Variants in MGAT4C observed in about 807,000 individuals in gnomAD.
MGAT4C encodes the protein alpha-1,3-mannosyl-glycoprotein 4-beta-N-acetylglucosaminyltransferase C.
A neutral mutation model predicts 40.1 loss-of-function variants in MGAT4C; 19 were observed. The ratio of observed to expected loss-of-function variants is 0.47; its 90% CI spans 0.33 to 0.70. The LOEUF is 0.70. Among genes scored for constraint, MGAT4C ranks in the 30% least tolerant of loss-of-function variants. The pLI is 0.02. For missense variants in MGAT4C, 491 were observed against 563.2 expected, an observed-to-expected ratio of 0.87 and a Z score of 1.30; for synonymous variants, 181 against 187.1, an observed-to-expected ratio of 0.97 and a Z score of 0.27.
At chr12:86,451,799 T>C (rs1957428582) in intron 2 of MGAT4C, among the ~76,000 whole-genome samples, 1 of 152,136 alleles carries the variant, frequency 6.6e-6, no homozygotes, top group East Asian at 1.9e-4. Context: ...ACCCACTTAC[T>C]GAATTATTTA....
At chr12:86,132,806 A>G (rs895641957) in intron 1 of MGAT4C, among the ~76,000 whole-genome samples, 3 of 151,604 alleles carry the variant, frequency 2.0e-5, no homozygotes, top group African/African-American at 4.8e-5. Flanking sequence ...AAAAAAAAAA[A>G]AAAAAAAGAA....
chr12:86,600,746 G>A (rs983503352), intron 2 of MGAT4C, among the ~76,000 whole-genome samples: 14 of 152,224 alleles, frequency 9.2e-5, no homozygotes, highest in African/African-American at 3.1e-4. Flanking sequence ...GATCCCAGGG[G>A]AGCCCTGTGC....
At chr12:86,105,340 A>C (rs1225011391) in intron 1 of MGAT4C, among the ~76,000 whole-genome samples, 5 of 152,138 alleles carry the variant, frequency 3.3e-5, no homozygotes, top group Admixed American at 1.3e-4. Flanking sequence ...AACAAAACCA[A>C]AAACCACATA....
rs112611359 is a variant in MGAT4C at position 86,360,871 on chromosome 12, T to C, written c.-119-26744A>G. Among the ~76,000 whole-genome samples the C allele has an allele frequency of 5.6e-3, 855 of 152,284 alleles. 5 individuals are homozygous for C. Among genetic ancestry groups the C allele is most frequent in the African/African-American group, 0.02 (823 of 41,562 alleles). ...CAAATGGACGAACGTTCCATGCTCA[T>C]GGATAGGAAGAATCAATATCGTGAA... On this transcript the variant is annotated intron_variant, in intron 3 of 7. Transcript: ENST00000548651.
At chr12:86,253,641 A>G (rs190469175) in intron 1 of MGAT4C, among the ~76,000 whole-genome samples, 46 of 152,130 alleles carry the variant, frequency 3.0e-4, no homozygotes, top group African/African-American at 1.1e-3. Flanking sequence ...CTAAATATCC[A>G]GACATTCACA....
intron 3 of MGAT4C, among the ~76,000 whole-genome samples, chr12:86,337,920 C>T (rs1483419946): frequency 6.6e-6 from 1 of 152,076 alleles, no homozygotes; most frequent in African/African-American, 2.4e-5. Context: ...ATTGTTTAAT[C>T]AAGCCAATCA....
At chr12:86,496,951 T>C (rs1209865706) in intron 2 of MGAT4C, among the ~76,000 whole-genome samples, 2 of 152,026 alleles carry the variant, frequency 1.3e-5, no homozygotes, top group African/African-American at 2.4e-5. Flanking sequence ...CAGATATCAG[T>C]AGATTTATTC....
intron 4 of MGAT4C, among the ~76,000 whole-genome samples, chr12:86,294,678 G>T (rs1236775284): frequency 1.3e-5 from 2 of 151,922 alleles, no homozygotes; most frequent in Non-Finnish European, 2.9e-5. Flanking sequence ...AGCATTTGTT[G>T]GGGGGGAAAA....
chr12:86,621,581 T>G (rs961415612), intron 2 of MGAT4C, among the ~76,000 whole-genome samples: 1 of 152,162 alleles, frequency 6.6e-6, no homozygotes, highest in African/African-American at 2.4e-5. Flanking sequence ...TGGACTCATG[T>G]GATCCTCCCA....
At chr12:86,099,077 T>A (rs1356246852) in intron 1 of MGAT4C, among the ~76,000 whole-genome samples, 1 of 151,392 alleles carries the variant, frequency 6.6e-6, no homozygotes, top group African/African-American at 2.4e-5. Context: ...TGAGTTTATA[T>A]CAGAATTCTC....
intron 2 of MGAT4C, among the ~76,000 whole-genome samples, chr12:85,996,731 T>A (rs1886663815): frequency 6.6e-6 from 1 of 150,466 alleles, no homozygotes; most frequent in Non-Finnish European, 1.5e-5. Flanking sequence ...TAAATAAGAG[T>A]TTCAAAATAC....
chr12:86,533,607 A>G (rs939885144), intron 2 of MGAT4C, among the ~76,000 whole-genome samples: 7 of 151,792 alleles, frequency 4.6e-5, no homozygotes, highest in African/African-American at 1.7e-4. Flanking sequence ...ATAATTATTT[A>G]TACACACTAT....
intron 3 of MGAT4C, among the ~76,000 whole-genome samples, chr12:86,389,970 T>C (rs1464420098): frequency 2.2e-4 from 33 of 152,242 alleles, no homozygotes; most frequent in Admixed American, 2.2e-3. Context: ...TAAATGTATT[T>C]GTATAATTTG....
intron 2 of MGAT4C, among the ~76,000 whole-genome samples, chr12:86,456,957 A>G (rs961725095): frequency 1.3e-5 from 2 of 152,134 alleles, no homozygotes; most frequent in Non-Finnish European, 2.9e-5. Flanking sequence ...AGACACCCCC[A>G]GGGAGCATTT....
intron 1 of MGAT4C, among the ~76,000 whole-genome samples, chr12:86,135,373 T>C (rs1881789502): frequency 6.6e-6 from 1 of 152,124 alleles, no homozygotes; most frequent in African/African-American, 2.4e-5. Flanking sequence ...CCTCCCAACA[T>C]TTTTGTTTTA....
intron 1 of MGAT4C, among the ~76,000 whole-genome samples, chr12:86,070,547 ATGATCTATAGGAAAAATTCCCTTGG>A (rs1235499799): frequency 6.6e-6 from 1 of 152,088 alleles, no homozygotes; most frequent in Non-Finnish European, 1.5e-5. Flanking sequence ...ATATAAGTTG[ATGATCTATAGGAAAAATTCCCTTGG>A]TGATCTGAAA....
chr12:86,154,817 G>A (rs943748176), intron 1 of MGAT4C, among the ~76,000 whole-genome samples: 5 of 152,028 alleles, frequency 3.3e-5, no homozygotes, highest in African/African-American at 1.2e-4. Context: ...CTACAATTAC[G>A]TGTTGAGAGC....
At chr12:86,356,353 C>T (rs1330680219) in intron 3 of MGAT4C, among the ~76,000 whole-genome samples, 1 of 152,132 alleles carries the variant, frequency 6.6e-6, no homozygotes, top group Non-Finnish European at 1.5e-5. Context: ...TAATTTGGAT[C>T]AGGTTCCAAG....
chr12:86,619,497 C>T (rs996289683), intron 2 of MGAT4C, among the ~76,000 whole-genome samples: 1 of 151,994 alleles, frequency 6.6e-6, no homozygotes, highest in Non-Finnish European at 1.5e-5. Context: ...CACAAATGTA[C>T]TCTCAACACC....
Sources: gnomAD v4.1 joint callset for allele counts (sites outside exome capture counted in the v4.1 genomes callset) on GRCh38, gnomAD v4.1.1 for gene constraint, MANE v1.5 for transcripts, NCBI Gene and HGNC (gene_info 2026-07-23, HGNC 2026-07-21) for gene names.